The following DHX29 variants were observed in gnomAD, a reference collection of about 807,000 sequenced individuals.
DHX29 encodes DExH-box helicase 29, also known as ATP-dependent RNA helicase DHX29.
In DHX29, 79 loss-of-function variants were observed where a neutral mutation model predicts 167.9. That is an observed-to-expected ratio of 0.47 (90% CI 0.39 to 0.57). The LOEUF (loss-of-function observed/expected upper bound fraction) is 0.57. DHX29 is among the 20% of genes least tolerant of loss of function. The pLI is 0.00. For synonymous variants in DHX29, 530 were observed against 546.0 expected, an observed-to-expected ratio of 0.97 and a Z score of 0.41; for missense variants, 1,347 against 1,593.4, an observed-to-expected ratio of 0.85 and a Z score of 2.63.
chr5:55,307,140 AG>A (rs1748910784), intron 1 of DHX29, among the ~76,000 whole-genome samples: 2 of 152,202 alleles, frequency 1.3e-5, no homozygotes, highest in African/African-American at 2.4e-5. Flanking sequence ...TGTTTTTAGA[AG>A]GGGGAGAAGT....
At chr5:55,273,173 G>T in intron 17 of DHX29, 120 bp downstream of exon 17, 1 of 1,020,360 alleles carries the variant, frequency 9.8e-7, no homozygotes, top group Non-Finnish European at 1.3e-6. Context: ...AACACTTGGA[G>T]TTGGCAATGC....
At chr5:55,295,549 AAAATAAAC>A in intron 4 of DHX29, 25 bp from the exon 5 acceptor site, 1 of 1,606,008 alleles carries the variant, frequency 6.2e-7, no homozygotes, top group Non-Finnish European at 8.5e-7. Context: ...AACTATGCTG[AAAATAAAC>A]AGGCATATGA....
intron 6 of DHX29, among the ~76,000 whole-genome samples, chr5:55,291,397 A>G (rs1236609957): frequency 1.3e-5 from 2 of 152,184 alleles, no homozygotes; most frequent in Non-Finnish European, 2.9e-5. Context: ...AGTGTAACAG[A>G]CAGGAGGGTT....
At chr5:55,267,064 A>T (rs1283763388) in intron 23 of DHX29, 74 bp downstream of exon 23, 1 of 940,610 alleles carries the variant, frequency 1.1e-6, no homozygotes, top group Non-Finnish European at 1.6e-6. Context: ...GTATTTTCCT[A>T]GGCATTCTTT....
chr5:55,294,006 T>C lies in DHX29; in HGVS notation c.780+11A>G, dbSNP rs1579810338. On this transcript the variant is annotated intron_variant, in intron 6 of 26. Coordinates refer to ENST00000251636, the MANE Select transcript of DHX29 (RefSeq NM_019030.4). ...CATCCAGTTAGAAGCCTAACACAAA[T>C]TTCTACTCACAGGGTCAAATTTTTC... 6.2e-7 allele frequency: 1 copy of C among 1,602,358 alleles called. No individual in the cohort carries two copies. Among genetic ancestry groups the C allele is most frequent in the Non-Finnish European group, 8.5e-7 (1 of 1,176,404 alleles).
rs769388049 is a variant in DHX29, at chr5:55,256,525, T to C, written c.4073A>G (p.Gln1358Arg). 2 of 1,593,430 alleles carry C rather than the reference T, an allele frequency of 1.3e-6. No individual in the cohort carries two copies. The highest frequency in any genetic ancestry group is 1.7e-4 in the Middle Eastern group (1 of 5,960). Residue 1358 changes from glutamine to arginine, a missense_variant, in exon 27 of 27, where the codon CAG becomes CGG. Transcript: ENST00000251636. ...TGTTTTTATCAATTCCGTAATGATC[T>C]GCAGAATCTTGTCATCTGAGTGGAA... ...KMSLENDKIL[Q>R]IITELIKTEN...
Position 55,280,624 on chromosome 5 carries a change from G to T in DHX29, c.2109+748C>A, listed in dbSNP as rs573008061. 1.3e-4 allele frequency among the ~76,000 whole-genome samples: 20 copies of T among 152,190 alleles called. No homozygotes were observed. The South Asian group carries it at 2.1e-3, about 16-fold the overall frequency. ...GCAGCCATTCAGCCTCTTTCTCTTT[G>T]ATATCTTAGTGATAAGAGTGAAACC... On this transcript the variant is annotated intron_variant, in intron 12 of 26. Transcript: ENST00000251636.
At chr5:55,260,300 TG>T (rs1245120246) in intron 25 of DHX29, among the ~76,000 whole-genome samples, 1 of 152,044 alleles carries the variant, frequency 6.6e-6, no homozygotes, top group Non-Finnish European at 1.5e-5. Context: ...GGCGCAATCT[TG>T]CCTCACTGCA....
chr5:55,307,296 C>G, intron 1 of DHX29, 91 bp downstream of exon 1: 1 of 1,115,018 alleles, frequency 9.0e-7, no homozygotes, highest in Non-Finnish European at 1.3e-6. Flanking sequence ...AATGTTGGGC[C>G]CGAAGCTCCT....
intron 22 of DHX29, among the ~76,000 whole-genome samples, chr5:55,267,445 AATT>A (rs1455197674): frequency 2.0e-5 from 3 of 152,190 alleles, no homozygotes; most frequent in African/African-American, 4.8e-5. Flanking sequence ...TTTAACAGTA[AATT>A]ATTAAGTTAC....
chr5:55,298,135 C>T (rs1318548224), intron 2 of DHX29, among the ~76,000 whole-genome samples: 3 of 151,304 alleles, frequency 2.0e-5, no homozygotes, highest in Non-Finnish European at 2.9e-5. Context: ...ATCAACTTGG[C>T]GGTTGATAAA....
At chr5:55,290,425 A>T in intron 6 of DHX29, 81 bp from the exon 7 acceptor site, 1 of 1,417,868 alleles carries the variant, frequency 7.1e-7, no homozygotes, top group Non-Finnish European at 9.4e-7. Flanking sequence ...AACTGTATCA[A>T]AATCTGTGAT....
At chr5:55,304,457 C>T (rs1029403909) in intron 1 of DHX29, among the ~76,000 whole-genome samples, 5 of 151,844 alleles carry the variant, frequency 3.3e-5, no homozygotes, top group African/African-American at 7.3e-5. Flanking sequence ...GGACTACAGG[C>T]GCTCGCCACT....
rs115351979 is a variant in DHX29, at chr5:55,283,439, G to A, written c.1729C>T (p.His577Tyr). Residue 577 changes from histidine (H) to tyrosine (Y), a missense_variant, in exon 11 of 27, where the codon CAT becomes TAT. This residue lies in a region of DHX29 where 882 missense variants were observed against 1,082.4 expected (regional missense o/e 0.81). Transcript: ENST00000251636. ...AGAGTTTCAACAATTGAGTCCCGAT[G>A]TTTAAATACAGGTAGCTGTTGTCTT... ...KERQQLPVFK[H>Y]RDSIVETLKR... 6.2e-4 allele frequency: 1,008 copies of A among 1,614,210 alleles called. 5 individuals carry two copies. The African/African-American group carries it at 0.012, about 18-fold the overall frequency.
Position 55,262,515 on chromosome 5 carries a change from A to C in DHX29, c.3828+115T>G, listed in dbSNP as rs1746357323. Reference sequence around the variant, plus strand: ...CATCTTGATTTCAAATATTAACAAAAATGAATAGCTCAATTTGAGAACCAA... The same window carrying C: ...CATCTTGATTTCAAATATTAACAAACATGAATAGCTCAATTTGAGAACCAA... On this transcript the variant is annotated intron_variant, in intron 24 of 26. Coordinates refer to ENST00000251636, the MANE Select transcript of DHX29 (RefSeq NM_019030.4). 3.7e-6 allele frequency: 5 copies of C among 1,337,516 alleles called. No individual in the cohort carries two copies. In the East Asian group the frequency reaches 1.2e-4, roughly 31 times the overall value. 82.9% of individuals were successfully genotyped at this position (1,337,516 alleles called of 1,614,324 possible).
In DHX29 at chr5:55,279,064, G is replaced by A. The variant is rs934113906; in HGVS notation, c.2110-1782C>T. 4.6e-4 allele frequency among the ~76,000 whole-genome samples: 70 copies of A among 152,306 alleles called. 1 individual carries two copies. The highest frequency in any genetic ancestry group is 1.6e-3 in the African/African-American group (68 of 41,576). On this transcript the variant is annotated intron_variant, in intron 12 of 26. Transcript: ENST00000251636. ...TGGCTACAATGTGGAAAATGTGGTG[G>A]AGGAGAGCAAAATAAAGCAGGAAGT...
intron 1 of DHX29, among the ~76,000 whole-genome samples, chr5:55,299,377 T>C (rs1279471017): frequency 6.6e-6 from 1 of 152,186 alleles, no homozygotes; most frequent in East Asian, 1.9e-4. Context: ...GTATGCTAAG[T>C]GAAAAGGGAG....
intron 17 of DHX29, 106 bp downstream of exon 17, chr5:55,273,187 A>C: frequency 2.4e-6 from 3 of 1,224,914 alleles, no homozygotes; most frequent in Admixed American, 2.9e-5. Context: ...GCAATGCGCT[A>C]TAAGGCACTT....
chr5:55,279,642 G>C (rs1561150656), intron 12 of DHX29: 2 of 152,614 alleles, frequency 1.3e-5, no homozygotes, highest in Non-Finnish European at 2.9e-5. Flanking sequence ...AAGCAGATGG[G>C]ACTATAGGTG....
Sources: allele counts gnomAD v4.1 joint callset (sites outside exome capture counted in the v4.1 genomes callset), GRCh38; gene constraint gnomAD v4.1.1; regional missense constraint gnomAD v4.1.1; transcripts MANE v1.5; gene names NCBI Gene and HGNC (gene_info 2026-07-23, HGNC 2026-07-21).